Variants in SCAPER observed in about 807,000 individuals in gnomAD.
SCAPER encodes S-phase cyclin A associated protein in the ER, also known as S phase cyclin A-associated protein in the endoplasmic reticulum.
In SCAPER, 98 loss-of-function variants were observed where a neutral mutation model predicts 182.2. The ratio of observed to expected loss-of-function variants is 0.54; its 90% CI spans 0.46 to 0.64. The LOEUF is 0.64. Among genes scored for constraint, SCAPER ranks in the 30% least tolerant of loss-of-function variants. The pLI is 0.00. For missense variants in SCAPER, 1,432 were observed against 1,690.0 expected, an observed-to-expected ratio of 0.85 and a Z score of 2.68; for synonymous variants, 605 against 564.6, an observed-to-expected ratio of 1.07 and a Z score of -1.01.
intron 23 of SCAPER, among the ~76,000 whole-genome samples, chr15:76,573,834 A>G (rs1294582013): frequency 6.6e-6 from 1 of 152,150 alleles, no homozygotes; most frequent in African/African-American, 2.4e-5. Context: ...TTTATAATTC[A>G]AAGTTTTCTA....
chr15:76,764,575 G>T (rs528022011), intron 14 of SCAPER, among the ~76,000 whole-genome samples: 69 of 152,304 alleles, frequency 4.5e-4, no homozygotes, highest in African/African-American at 1.6e-3. Flanking sequence ...TACATAAACA[G>T]AAGTAAAAAC....
chr15:76,610,724 G>A (rs1250957088), intron 22 of SCAPER, among the ~76,000 whole-genome samples: 1 of 151,998 alleles, frequency 6.6e-6, no homozygotes, highest in African/African-American at 2.4e-5. Context: ...TAACTAAAAA[G>A]GTGAAAGACT....
chr15:76,754,802 C>T (rs1341570030), intron 14 of SCAPER, among the ~76,000 whole-genome samples: 4 of 152,084 alleles, frequency 2.6e-5, no homozygotes, highest in Non-Finnish European at 5.9e-5. Context: ...AAAGCCTTAG[C>T]TCTGCAAATT....
intron 20 of SCAPER, among the ~76,000 whole-genome samples, chr15:76,692,953 A>C (rs2058457895): frequency 6.6e-6 from 1 of 152,142 alleles, no homozygotes; most frequent in African/African-American, 2.4e-5. Context: ...AGAATATTGC[A>C]ATATTCTGTA....
rs773740744 is a variant in SCAPER, at chr15:76,767,085, T to C, written c.1252A>G (p.Met418Val). The C allele has an allele frequency of 6.3e-7, 1 of 1,577,360 alleles. No homozygotes were observed. The highest frequency in any genetic ancestry group is 8.6e-7 in the Non-Finnish European group (1 of 1,162,364). The change falls in exon 11 of 32, where the codon ATG (methionine) becomes GTG (valine). Residue 418 changes from methionine (M) to valine (V), a missense_variant. By Grantham distance (21) the Met-to-Val change is conservative. This residue lies in a region of SCAPER where 480 missense variants were observed against 510.2 expected (regional missense o/e 0.94). Coordinates refer to ENST00000563290, the MANE Select transcript of SCAPER (RefSeq NM_020843.4). ...EMDPSDISNSMAEVLAKKEEL... is the reference protein window; with the variant it reads ...EMDPSDISNSVAEVLAKKEEL... ...TCTTTTTTAGCAAGGACTTCTGCCA[T>C]GGACTATAAAGTTAAAAACACATAA...
At chr15:76,522,023 T>C (rs1176671314) in intron 23 of SCAPER, among the ~76,000 whole-genome samples, 2 of 152,196 alleles carry the variant, frequency 1.3e-5, no homozygotes, top group East Asian at 3.8e-4. Flanking sequence ...ATTCAGAGAA[T>C]GCTTTGTGCC....
At chr15:76,776,853 T>C (rs760667072) in intron 8 of SCAPER, among the ~76,000 whole-genome samples, 3 of 152,058 alleles carry the variant, frequency 2.0e-5, no homozygotes, top group African/African-American at 7.2e-5. Context: ...GAGACAATAT[T>C]TGAGTTACTA....
In SCAPER at chr15:76,795,541, C is replaced by T. The variant is rs2065266435; in HGVS notation, c.612-101G>A. On this transcript the variant is annotated intron_variant, in intron 7 of 31. Coordinates refer to ENST00000563290, the MANE Select transcript of SCAPER (RefSeq NM_020843.4). ...AAATTTAAATTATGCATATGAATAT[C>T]CACATATATAGAATAATAATCTGCC... The T allele has an allele frequency of 2.2e-5, 18 of 830,636 alleles. No individual in the cohort carries two copies. The South Asian group carries it at 5.8e-4, about 27-fold the overall frequency. 51.5% of individuals were successfully genotyped at this position (830,636 alleles called of 1,614,324 possible).
chr15:76,566,256 A>G (rs761660590), intron 23 of SCAPER, among the ~76,000 whole-genome samples: 7 of 152,134 alleles, frequency 4.6e-5, no homozygotes, highest in African/African-American at 9.7e-5. Context: ...ATTTTACAAG[A>G]TAAGTTTTGA....
At chr15:76,749,433 A>C (rs913173149) in intron 15 of SCAPER, among the ~76,000 whole-genome samples, 2 of 152,132 alleles carry the variant, frequency 1.3e-5, no homozygotes, top group Admixed American at 6.5e-5. Flanking sequence ...GACTGGGAAC[A>C]AGAAAAGATG....
chr15:76,502,465 C>T (rs939770028), intron 24 of SCAPER, among the ~76,000 whole-genome samples: 7 of 151,910 alleles, frequency 4.6e-5, no homozygotes, highest in South Asian at 2.1e-4. Flanking sequence ...AGCAAACTAT[C>T]GCAAGGATAG....
chr15:76,829,103 C>T (rs977149619), intron 5 of SCAPER, among the ~76,000 whole-genome samples: 1 of 152,142 alleles, frequency 6.6e-6, no homozygotes, highest in African/African-American at 2.4e-5. Flanking sequence ...TATATATACA[C>T]CATGAAATAC....
At chr15:76,740,435 A>G (rs1223869332) in intron 15 of SCAPER, among the ~76,000 whole-genome samples, 1 of 152,238 alleles carries the variant, frequency 6.6e-6, no homozygotes, top group African/African-American at 2.4e-5. Flanking sequence ...TATCCTTATT[A>G]AATCATAAAA....
intron 21 of SCAPER, among the ~76,000 whole-genome samples, chr15:76,636,237 C>G (rs951472762): frequency 6.6e-6 from 1 of 152,144 alleles, no homozygotes; most frequent in Admixed American, 6.5e-5. Context: ...CATCTCATTG[C>G]CAAGTGGCCT....
chr15:76,381,275 T>C, intron 28 of SCAPER, 103 bp downstream of exon 28: 1 of 838,818 alleles, frequency 1.2e-6, no homozygotes, highest in African/African-American at 1.7e-5. Context: ...TTTATTGTAG[T>C]TTATTCCTTA....
At chr15:76,625,832 G>C (rs1255228801) in intron 21 of SCAPER, among the ~76,000 whole-genome samples, 2 of 152,092 alleles carry the variant, frequency 1.3e-5, no homozygotes, top group Non-Finnish European at 2.9e-5. Context: ...AGCCTCTCCA[G>C]GCTCCCAGCT....
intron 20 of SCAPER, among the ~76,000 whole-genome samples, chr15:76,679,154 T>C (rs918612206): frequency 1.3e-5 from 2 of 152,088 alleles, no homozygotes; most frequent in African/African-American, 4.8e-5. Flanking sequence ...AAGACAACAA[T>C]ATAGAAAAAT....
chr15:76,564,941 T>C (rs1167069309), intron 23 of SCAPER, among the ~76,000 whole-genome samples: 1 of 152,120 alleles, frequency 6.6e-6, no homozygotes, highest in African/African-American at 2.4e-5. Context: ...ATTGAATGAA[T>C]AGTGATGCAA....
At chr15:76,438,279 C>CAA (rs372587932) in intron 25 of SCAPER, among the ~76,000 whole-genome samples, 8,115 of 110,800 alleles carry the variant, frequency 0.073, 528 homozygotes, top group African/African-American at 0.18. Context: ...GAGACTGTCT[C>CAA]AAAAAAAAAA....
Sources: gnomAD v4.1 joint callset for allele counts (sites outside exome capture counted in the v4.1 genomes callset) on GRCh38, gnomAD v4.1.1 for gene constraint, gnomAD v4.1.1 regional missense constraint, MANE v1.5 for transcripts, NCBI Gene and HGNC (gene_info 2026-07-23, HGNC 2026-07-21) for gene names.